The following POU2F1 variants were observed in gnomAD, a reference collection of about 807,000 sequenced individuals.
POU2F1 encodes POU class 2 homeobox 1.
In POU2F1, 16 loss-of-function variants were observed where a neutral mutation model predicts 84.9. The ratio of observed to expected loss-of-function variants is 0.19; its 90% CI spans 0.13 to 0.29. The LOEUF (loss-of-function observed/expected upper bound fraction) is 0.29, where lower values mean the gene tolerates loss of function less well. Ranked by LOEUF, POU2F1 falls within the 10% of genes least tolerant of loss-of-function variation. The pLI, the probability that POU2F1 is intolerant of heterozygous loss-of-function variation, is 1.00. For missense variants in POU2F1, 738 were observed against 942.6 expected (o/e 0.78, Z 2.84); for synonymous variants, 368 against 368.3 (o/e 1.00, Z 0.01).
Position 167,383,854 on chromosome 1 carries a change from C to T in POU2F1, c.719-3C>T, listed in dbSNP as rs996911031. ...TTCTGGATAACATGTTTTTCTTCTACAGGTCTCCTGCAAGCGCAAAATCTT... is the reference window on the plus strand; with the variant it reads ...TTCTGGATAACATGTTTTTCTTCTATAGGTCTCCTGCAAGCGCAAAATCTT... On this transcript the variant is annotated splice_region_variant and splice_polypyrimidine_tract_variant and intron_variant, in intron 7 of 15. Coordinates refer to ENST00000367866, the MANE Select transcript of POU2F1 (RefSeq NM_002697.4). The T allele has an allele frequency of 1.2e-6, 2 of 1,610,164 alleles. No individual in the cohort carries two copies. The highest frequency in any genetic ancestry group is 2.7e-5 in the African/African-American group (2 of 74,736).
At chr1:167,267,619 A>T (rs890273160) in intron 1 of POU2F1, among the ~76,000 whole-genome samples, 4 of 131,632 alleles carry the variant, frequency 3.0e-5, no homozygotes, top group Non-Finnish European at 6.4e-5. Context: ...AAAGTATCAC[A>T]GTTACTGTGT....
chr1:167,401,969 C>T (rs1649244654), intron 13 of POU2F1, among the ~76,000 whole-genome samples: 1 of 152,150 alleles, frequency 6.6e-6, no homozygotes, highest in African/African-American at 2.4e-5. Context: ...CTTTAGCTTT[C>T]CCAGGAAACT....
intron 2 of POU2F1, among the ~76,000 whole-genome samples, chr1:167,352,736 C>G (rs1658662845): frequency 1.3e-5 from 2 of 152,178 alleles, no homozygotes; most frequent in Non-Finnish European, 2.9e-5. Flanking sequence ...TGGATGTACC[C>G]TTTGAATCTG....
At chr1:167,393,874 C>G (rs1648610291) in intron 9 of POU2F1, among the ~76,000 whole-genome samples, 1 of 152,154 alleles carries the variant, frequency 6.6e-6, no homozygotes, top group African/African-American at 2.4e-5. Context: ...TTGGCACCAG[C>G]TGTAATCTAA....
intron 1 of POU2F1, among the ~76,000 whole-genome samples, chr1:167,323,952 C>T (rs1571301822): frequency 6.6e-6 from 1 of 152,236 alleles, no homozygotes; most frequent in Admixed American, 6.5e-5. Flanking sequence ...CTAGGACTCC[C>T]AAAGTGTTGG....
chr1:167,417,315 T>G lies in POU2F1; in HGVS notation c.*1505T>G, dbSNP rs1650375484. 1 of 152,184 alleles carries G rather than the reference T, an allele frequency of 6.6e-6. No homozygotes were observed. Among genetic ancestry groups the G allele is most frequent in the Non-Finnish European group, 1.5e-5 (1 of 68,026 alleles). 9.4% of individuals were successfully genotyped at this position (152,184 alleles called of 1,614,324 possible). A position where few individuals can be genotyped will look rare whatever the true frequency, so the allele number is the denominator to read the frequency against. Reference sequence around the variant, plus strand: ...ACACACCTTAAGTGTCTCCTTGGTTTGTTCATGATGCTCCTGCTAGGTAGG... The same window carrying G: ...ACACACCTTAAGTGTCTCCTTGGTTGGTTCATGATGCTCCTGCTAGGTAGG... On this transcript the variant is annotated 3_prime_UTR_variant, in exon 16 of 16. Coordinates refer to ENST00000367866, the MANE Select transcript of POU2F1 (RefSeq NM_002697.4).
chr1:167,365,201 A>G (rs1275001806), intron 2 of POU2F1, among the ~76,000 whole-genome samples: 1 of 152,176 alleles, frequency 6.6e-6, no homozygotes, highest in Non-Finnish European at 1.5e-5. Context: ...CTGAATTTTC[A>G]CATACCATCT....
intron 2 of POU2F1, among the ~76,000 whole-genome samples, chr1:167,341,665 G>A (rs1657864538): frequency 6.6e-6 from 1 of 152,176 alleles, no homozygotes; most frequent in Non-Finnish European, 1.5e-5. Context: ...AGGGGTGGGT[G>A]TCTGCAACTC....
At chr1:167,353,648 A>G (rs963875359) in intron 2 of POU2F1, among the ~76,000 whole-genome samples, 1 of 152,080 alleles carries the variant, frequency 6.6e-6, no homozygotes, top group African/African-American at 2.4e-5. Flanking sequence ...TGGCTTCATT[A>G]TTACCTGCTT....
chr1:167,282,861 T>C (rs1653253950), intron 1 of POU2F1, among the ~76,000 whole-genome samples: 2 of 152,242 alleles, frequency 1.3e-5, no homozygotes, highest in Admixed American at 1.3e-4. Context: ...GTTAAAACTT[T>C]AGCTTCACTC....
chr1:167,268,360 T>G (rs1652128069), intron 1 of POU2F1, among the ~76,000 whole-genome samples: 1 of 152,184 alleles, frequency 6.6e-6, no homozygotes, highest in Admixed American at 6.5e-5. Context: ...TTTTTCAAAT[T>G]AATTCTCTTT....
chr1:167,235,987 T>C (rs1334185889), intron 1 of POU2F1, among the ~76,000 whole-genome samples: 1 of 152,246 alleles, frequency 6.6e-6, no homozygotes, highest in Non-Finnish European at 1.5e-5. Flanking sequence ...ATATTTTTTA[T>C]CTACAGTATT....
At position 167,419,826 on chromosome 1, in the gene POU2F1, CTACTTA is replaced by C. The variant is rs751161463; in HGVS notation, c.*4023_*4028del. The C allele has an allele frequency of 1.3e-5, 2 of 152,122 alleles. No individual in the cohort carries two copies. The highest frequency in any genetic ancestry group is 2.9e-5 in the Non-Finnish European group (2 of 68,010). 9.4% of individuals were successfully genotyped at this position (152,122 alleles called of 1,614,324 possible). On this transcript the variant is annotated 3_prime_UTR_variant, in exon 16 of 16. Coordinates refer to ENST00000367866, the MANE Select transcript of POU2F1 (RefSeq NM_002697.4). ...ACTTTCATTTTGTGTAGAATCATAC[CTACTTA>C]TACTTAATGCTAGCACTGTAAGAAA...
intron 4 of POU2F1, 139 bp from the exon 5 acceptor site, chr1:167,371,778 A>C (rs1431694057): frequency 5.1e-6 from 6 of 1,180,896 alleles, no homozygotes; most frequent in Non-Finnish European, 7.3e-6. Flanking sequence ...AGGAAAATAC[A>C]AATAAAAGAA....
At chr1:167,236,726 GA>G (rs1402881852) in intron 1 of POU2F1, among the ~76,000 whole-genome samples, 1 of 152,162 alleles carries the variant, frequency 6.6e-6, no homozygotes, top group African/African-American at 2.4e-5. Context: ...ATAGAAAGGG[GA>G]TGGTTGCAGA....
At chr1:167,341,350 A>G (rs141705435) in intron 2 of POU2F1, among the ~76,000 whole-genome samples, 1 of 152,340 alleles carries the variant, frequency 6.6e-6, no homozygotes, top group East Asian at 1.9e-4. Flanking sequence ...TGTAATGTGA[A>G]AAGTTGTTTT....
At chr1:167,295,394 T>A (rs977249206) in intron 1 of POU2F1, among the ~76,000 whole-genome samples, 1 of 152,220 alleles carries the variant, frequency 6.6e-6, no homozygotes, top group Admixed American at 6.5e-5. Context: ...TGGTTGGAGC[T>A]GCAGGCCATT....
chr1:167,272,422 AT>A (rs1652439985), intron 1 of POU2F1, among the ~76,000 whole-genome samples: 1 of 149,990 alleles, frequency 6.7e-6, no homozygotes, highest in African/African-American at 2.5e-5. Flanking sequence ...TCAGAACTGT[AT>A]TAGTCAGTTC....
intron 15 of POU2F1, among the ~76,000 whole-genome samples, chr1:167,413,987 T>TAA (rs372662250): frequency 1.6e-4 from 20 of 126,422 alleles, no homozygotes; most frequent in African/African-American, 2.3e-4. Flanking sequence ...ACCCTGTTTC[T>TAA]AAAAAAAAAA....
Sources: allele counts gnomAD v4.1 joint callset (sites outside exome capture counted in the v4.1 genomes callset), GRCh38; gene constraint gnomAD v4.1.1; transcripts MANE v1.5; gene names NCBI Gene and HGNC (gene_info 2026-07-23, HGNC 2026-07-21).